Variants in PAX5 observed in about 807,000 individuals in gnomAD.
PAX5 encodes paired box protein Pax-5.
Under a neutral mutation model 43.7 loss-of-function variants are expected in PAX5, and 9 were observed. That is an observed-to-expected ratio of 0.21 (90% CI 0.12 to 0.36). The LOEUF (loss-of-function observed/expected upper bound fraction) is 0.36, where lower values mean the gene tolerates loss of function less well. Ranked by LOEUF, PAX5 falls within the 10% of genes least tolerant of loss-of-function variation. The pLI is 1.00. For synonymous variants in PAX5, 228 were observed against 214.3 expected, an observed-to-expected ratio of 1.06 and a Z score of -0.56; for missense variants, 383 against 532.7, an observed-to-expected ratio of 0.72 and a Z score of 2.77.
chr9:36,936,668 GA>G (rs1326144809), intron 6 of PAX5, among the ~76,000 whole-genome samples: 2 of 152,220 alleles, frequency 1.3e-5, no homozygotes, highest in African/African-American at 4.8e-5. Context: ...AAGGAAGACA[GA>G]AAGGTTATGT....
At chr9:37,023,954 C>T (rs530785335) in intron 1 of PAX5, among the ~76,000 whole-genome samples, 1 of 152,276 alleles carries the variant, frequency 6.6e-6, no homozygotes, top group African/African-American at 2.4e-5. Context: ...ATACCCACTG[C>T]CCTCTCTCTG....
intron 9 of PAX5, among the ~76,000 whole-genome samples, chr9:36,842,687 C>T (rs16933640): frequency 9.9e-5 from 15 of 152,136 alleles, no homozygotes; most frequent in African/African-American, 3.4e-4. Context: ...CAGTCATTCC[C>T]GGTTCTGCTT....
intron 9 of PAX5, among the ~76,000 whole-genome samples, chr9:36,842,649 C>T (rs1428798975): frequency 6.6e-6 from 1 of 152,204 alleles, no homozygotes; most frequent in African/African-American, 2.4e-5. Context: ...CTCTCTAATT[C>T]ACATTATGGT....
intron 7 of PAX5, among the ~76,000 whole-genome samples, chr9:36,897,927 G>A (rs1828011529): frequency 6.6e-6 from 1 of 152,196 alleles, no homozygotes; most frequent in Admixed American, 6.5e-5. Context: ...CCATCCTTGA[G>A]CCTACTGGTC....
At chr9:36,868,252 G>T (rs1825093210) in intron 8 of PAX5, among the ~76,000 whole-genome samples, 1 of 152,230 alleles carries the variant, frequency 6.6e-6, no homozygotes, top group Non-Finnish European at 1.5e-5. Flanking sequence ...CTCTGGACCG[G>T]GCAAGATGGG....
At chr9:37,031,027 C>G (rs1840929238) in intron 1 of PAX5, among the ~76,000 whole-genome samples, 1 of 152,166 alleles carries the variant, frequency 6.6e-6, no homozygotes, top group Non-Finnish European at 1.5e-5. Flanking sequence ...AGAAATTGAC[C>G]TGAAATTATA....
chr9:36,932,148 C>T (rs1271728135), intron 6 of PAX5, among the ~76,000 whole-genome samples: 1 of 152,122 alleles, frequency 6.6e-6, no homozygotes, highest in Non-Finnish European at 1.5e-5. Flanking sequence ...AGTGGCATGC[C>T]TGTAGTCCCA....
At chr9:37,024,680 G>T (rs1016618629) in intron 1 of PAX5, among the ~76,000 whole-genome samples, 2 of 152,212 alleles carry the variant, frequency 1.3e-5, no homozygotes, top group African/African-American at 4.8e-5. Flanking sequence ...AAATGGGAGG[G>T]AGCACTTCCC....
chr9:36,870,458 A>C (rs1296405356), intron 8 of PAX5, among the ~76,000 whole-genome samples: 1 of 152,258 alleles, frequency 6.6e-6, no homozygotes, highest in Non-Finnish European at 1.5e-5. Flanking sequence ...AAACTTAGAA[A>C]TTCTTTTAAA....
chr9:36,864,845 T>G (rs1376858279), intron 8 of PAX5, among the ~76,000 whole-genome samples: 2 of 152,182 alleles, frequency 1.3e-5, no homozygotes, highest in African/African-American at 4.8e-5. Context: ...GGAGCCGGGC[T>G]GTCAGGGCCT....
intron 1 of PAX5, among the ~76,000 whole-genome samples, chr9:37,025,363 G>A (rs191987237): frequency 2.6e-5 from 4 of 152,112 alleles, no homozygotes; most frequent in Middle Eastern, 3.4e-3. Flanking sequence ...CCGGGTCTCT[G>A]CTGCCTTTGT....
intron 8 of PAX5, among the ~76,000 whole-genome samples, chr9:36,854,430 CA>C (rs1201677972): frequency 6.6e-6 from 1 of 152,038 alleles, no homozygotes; most frequent in African/African-American, 2.4e-5. Context: ...TGGATGTGTA[CA>C]CACACACATA....
chr9:36,877,117 G>A (rs143622247), intron 8 of PAX5, among the ~76,000 whole-genome samples: 3,415 of 152,230 alleles, frequency 0.022, 114 homozygotes, highest in African/African-American at 0.076. Context: ...CAGGAGGATC[G>A]TTTGAGCTCA....
intron 6 of PAX5, among the ~76,000 whole-genome samples, chr9:36,938,087 TCAATAATCTAGA>T (rs1831715860): frequency 1.3e-5 from 2 of 152,326 alleles, no homozygotes; most frequent in South Asian, 4.1e-4. Context: ...TTAGCTAATG[TCAATAATCTAGA>T]CAAAACTAGC....
chr9:36,929,766 G>A (rs544637965), intron 6 of PAX5, among the ~76,000 whole-genome samples: 3 of 152,250 alleles, frequency 2.0e-5, no homozygotes, highest in Non-Finnish European at 2.9e-5. Context: ...TCGCTCTGTT[G>A]CCCAGGCTGG....
chr9:36,941,369 A>T (rs890712639), intron 6 of PAX5, among the ~76,000 whole-genome samples: 2 of 152,230 alleles, frequency 1.3e-5, no homozygotes, highest in Non-Finnish European at 2.9e-5. Flanking sequence ...ATTCCTCAGG[A>T]AGCAGCAGAA....
chr9:37,012,908 C>G (rs1278697113), intron 3 of PAX5, among the ~76,000 whole-genome samples: 2 of 152,082 alleles, frequency 1.3e-5, no homozygotes, highest in African/African-American at 4.8e-5. Flanking sequence ...AAGTTATGCT[C>G]ATCCTGCAAG....
chr9:36,870,687 C>A (rs1349586592), intron 8 of PAX5, among the ~76,000 whole-genome samples: 1 of 152,210 alleles, frequency 6.6e-6, no homozygotes. Context: ...GCTCCTGGGA[C>A]TTTAGCCCAG....
At chr9:37,026,121 A>C (rs1313429560) in intron 1 of PAX5, among the ~76,000 whole-genome samples, 1 of 152,244 alleles carries the variant, frequency 6.6e-6, no homozygotes, top group Non-Finnish European at 1.5e-5. Context: ...AGTCTGGATC[A>C]GCCCCATGGC....
Sources: allele counts gnomAD v4.1 joint callset (sites outside exome capture counted in the v4.1 genomes callset), GRCh38; gene constraint gnomAD v4.1.1; transcripts MANE v1.5; gene names NCBI Gene and HGNC (gene_info 2026-07-23, HGNC 2026-07-21).